DLGAP2: variants seen among roughly 807,000 people sequenced by gnomAD.
The protein encoded by DLGAP2 is DLG associated protein 2.
Under a neutral mutation model 100.3 loss-of-function variants are expected in DLGAP2, and 26 were observed. The observed-to-expected ratio is 0.26, with a 90% CI of 0.19 to 0.36. The LOEUF is 0.36. DLGAP2 is among the 10% of genes least tolerant of loss of function. The pLI is 1.00. For synonymous variants in DLGAP2, 886 were observed against 630.1 expected, an observed-to-expected ratio of 1.41 and a Z score of -6.08; for missense variants, 1,858 against 1,453.2, an observed-to-expected ratio of 1.28 and a Z score of -4.53.
At chr8:1,504,661 G>C (rs1025758506) in intron 4 of DLGAP2, among the ~76,000 whole-genome samples, 1 of 152,128 alleles carries the variant, frequency 6.6e-6, no homozygotes, top group Non-Finnish European at 1.5e-5. Flanking sequence ...TCTGTGCCTG[G>C]CTTGTTCCAC....
chr8:1,222,351 A>C (rs1201616679), intron 2 of DLGAP2, among the ~76,000 whole-genome samples: 1 of 152,158 alleles, frequency 6.6e-6, no homozygotes, highest in Non-Finnish European at 1.5e-5. Context: ...CAAGGGATAA[A>C]GGCTCAGCTC....
intron 2 of DLGAP2, among the ~76,000 whole-genome samples, chr8:1,039,330 T>TGGTGTGCGTGGTCAGCTC (rs1270763024): frequency 8.7e-5 from 8 of 92,126 alleles, no homozygotes; most frequent in South Asian, 8.0e-4. Flanking sequence ...GTGGTCAGCT[T>TGGTGTGCGTGGTCAGCTC]GGTGTGCGTG....
intron 2 of DLGAP2, among the ~76,000 whole-genome samples, chr8:1,016,613 T>C (rs866337057): frequency 4.0e-3 from 1 of 248 alleles, no homozygotes; most frequent in East Asian, 5.6e-3. Flanking sequence ...GGACAGACGA[T>C]GCCTCCACTG....
chr8:1,616,037 C>A (rs181946994), intron 6 of DLGAP2, among the ~76,000 whole-genome samples: 1 of 152,238 alleles, frequency 6.6e-6, no homozygotes, highest in Non-Finnish European at 1.5e-5. Context: ...TAATGCCTGA[C>A]TAGATGGAGA....
intron 1 of DLGAP2, among the ~76,000 whole-genome samples, chr8:790,680 C>T (rs1022330389): frequency 3.3e-5 from 5 of 152,094 alleles, no homozygotes; most frequent in African/African-American, 1.2e-4. Flanking sequence ...TGGTTTCTCT[C>T]TTTCATTTTA....
At position 1,091,825 on chromosome 8, in the gene DLGAP2, C is replaced by T. The variant is rs989806535; in HGVS notation, c.74-167026C>T. On this transcript the variant is annotated intron_variant, in intron 2 of 14. Coordinates refer to ENST00000637795, the MANE Select transcript of DLGAP2 (RefSeq NM_001346810.2). The stretch of plus-strand genomic sequence containing the variant: ...CCCTCCGCAGCCCCTGTAATTCCTG[C>T]CCTCGCCATCCCCACACCTGCCTTC... Among the ~76,000 whole-genome samples, 12 of 151,982 alleles carry T rather than the reference C, an allele frequency of 7.9e-5. No individual in the cohort carries two copies. In the East Asian group the frequency reaches 2.1e-3, roughly 27 times the overall value.
intron 2 of DLGAP2, among the ~76,000 whole-genome samples, chr8:1,254,522 G>A (rs564507217): frequency 5.3e-5 from 8 of 152,314 alleles, no homozygotes; most frequent in South Asian, 2.1e-4. Context: ...TGAACTTACC[G>A]TGGGGCGCGA....
At chr8:1,687,997 CAGGGCTG>C (rs1230839432) in intron 12 of DLGAP2, among the ~76,000 whole-genome samples, 7 of 152,052 alleles carry the variant, frequency 4.6e-5, no homozygotes. Flanking sequence ...TCAGCGAGTC[CAGGGCTG>C]CAGAACACGT....
At chr8:825,231 A>C (rs55769210) in intron 1 of DLGAP2, among the ~76,000 whole-genome samples, 151,367 of 152,302 alleles carry the variant, frequency 0.99, 75,231 homozygotes, top group Middle Eastern at 1. Flanking sequence ...CTGAGAACCA[A>C]GTACCTGTGG....
chr8:1,552,816 T>G (rs1465579486), intron 5 of DLGAP2, among the ~76,000 whole-genome samples: 1 of 152,194 alleles, frequency 6.6e-6, no homozygotes, highest in African/African-American at 2.4e-5. Context: ...TGGTTCACAT[T>G]AGAGGAAGAT....
intron 2 of DLGAP2, among the ~76,000 whole-genome samples, chr8:999,070 G>A (rs1388288313): frequency 2.0e-5 from 3 of 152,154 alleles, no homozygotes; most frequent in Non-Finnish European, 4.4e-5. Context: ...GTGCCTATGT[G>A]ATTGATCATG....
At chr8:1,086,226 T>C (rs1186854753) in intron 2 of DLGAP2, among the ~76,000 whole-genome samples, 1 of 152,234 alleles carries the variant, frequency 6.6e-6, no homozygotes, top group East Asian at 1.9e-4. Context: ...CAATTTAACT[T>C]CTTTCCAATT....
intron 3 of DLGAP2, among the ~76,000 whole-genome samples, chr8:1,452,827 A>T (rs745404560): frequency 6.6e-5 from 10 of 152,154 alleles, no homozygotes; most frequent in Non-Finnish European, 7.3e-5. Flanking sequence ...ATCCCAGCCT[A>T]TGAAACCAGA....
chr8:1,676,653 G>A (rs1290501080), intron 11 of DLGAP2, 35 bp downstream of exon 11: 14 of 1,583,190 alleles, frequency 8.8e-6, no homozygotes, highest in Admixed American at 5.4e-5. Context: ...GGTGACCCCC[G>A]AGCGAGGGCT....
chr8:1,096,101 A>G (rs759780724), intron 2 of DLGAP2, among the ~76,000 whole-genome samples: 1 of 152,198 alleles, frequency 6.6e-6, no homozygotes, highest in Non-Finnish European at 1.5e-5. Context: ...TTATTTTTCC[A>G]TTTACATCAC....
chr8:1,216,137 CAG>C (rs1009449580), intron 2 of DLGAP2, among the ~76,000 whole-genome samples: 3 of 152,174 alleles, frequency 2.0e-5, no homozygotes, highest in South Asian at 2.1e-4. Flanking sequence ...TGTGTCTAGA[CAG>C]GGGAGTGTGT....
intron 3 of DLGAP2, among the ~76,000 whole-genome samples, chr8:1,326,452 C>G (rs1801023162): frequency 6.6e-6 from 1 of 152,158 alleles, no homozygotes; most frequent in South Asian, 2.1e-4. Context: ...CTGGGCCGCC[C>G]TGTCTTTCAG....
At chr8:987,666 C>T (rs778444497) in intron 2 of DLGAP2, among the ~76,000 whole-genome samples, 1 of 152,138 alleles carries the variant, frequency 6.6e-6, no homozygotes, top group Non-Finnish European at 1.5e-5. Flanking sequence ...CTGCTGTCTT[C>T]CCCTTGAATA....
At chr8:1,482,659 G>C (rs1230981046) in intron 3 of DLGAP2, among the ~76,000 whole-genome samples, 2 of 152,232 alleles carry the variant, frequency 1.3e-5, no homozygotes, top group African/African-American at 4.8e-5. Context: ...GTTTCCGGGA[G>C]TCCCTGCGCG....
Sources: allele counts gnomAD v4.1 joint callset (sites outside exome capture counted in the v4.1 genomes callset), GRCh38; gene constraint gnomAD v4.1.1; transcripts MANE v1.5; gene names NCBI Gene and HGNC (gene_info 2026-07-23, HGNC 2026-07-21).